Variants in HERPUD2 observed in about 807,000 individuals in gnomAD.
The protein encoded by HERPUD2 is HERPUD family member 2.
HERPUD2 carries 13 observed loss-of-function variants against 49.9 expected under a neutral mutation model. That is an observed-to-expected ratio of 0.26 (90% CI 0.17 to 0.41). The LOEUF (loss-of-function observed/expected upper bound fraction) is 0.41. Ranked by LOEUF, HERPUD2 falls within the 10% of genes least tolerant of loss-of-function variation. The probability of loss-of-function intolerance (pLI) is 1.00; values close to 1 mark genes in which losing one functional copy is unlikely to be tolerated. For synonymous variants in HERPUD2, 172 were observed against 171.4 expected, an observed-to-expected ratio of 1.00 and a Z score of -0.03; for missense variants, 449 against 492.2, an observed-to-expected ratio of 0.91 and a Z score of 0.83.
intron 2 of HERPUD2, among the ~76,000 whole-genome samples, chr7:35,674,599 G>C (rs527772259): frequency 3.3e-5 from 5 of 151,820 alleles, no homozygotes; most frequent in Non-Finnish European, 5.9e-5. Context: ...CTGGTGGCTG[G>C]GGGACCCTAC....
intron 2 of HERPUD2, among the ~76,000 whole-genome samples, chr7:35,688,516 T>TA (rs1406957307): frequency 1.3e-5 from 2 of 152,234 alleles, no homozygotes; most frequent in African/African-American, 4.8e-5. Context: ...CACCAACTGG[T>TA]AGACTGTGAA....
At chr7:35,635,536 G>T in intron 6 of HERPUD2, 78 bp from the exon 7 acceptor site, 2 of 1,196,322 alleles carry the variant, frequency 1.7e-6, no homozygotes, top group Non-Finnish European at 2.3e-6. Context: ...TTCTTGGGGA[G>T]CTATATGTAT....
chr7:35,646,535 C>G (rs1403085231), intron 5 of HERPUD2, among the ~76,000 whole-genome samples: 1 of 152,090 alleles, frequency 6.6e-6, no homozygotes, highest in African/African-American at 2.4e-5. Flanking sequence ...ACACTCCAGC[C>G]TCATCGACAG....
intron 4 of HERPUD2, among the ~76,000 whole-genome samples, chr7:35,668,104 A>C (rs542540352): frequency 6.6e-5 from 10 of 152,338 alleles, no homozygotes; most frequent in Admixed American, 2.0e-4. Flanking sequence ...TCTAAAATCT[A>C]GTGTTATCTC....
intron 7 of HERPUD2, among the ~76,000 whole-genome samples, 180 bp downstream of exon 7, chr7:35,634,955 T>G (rs1485090510): frequency 6.6e-6 from 1 of 152,240 alleles, no homozygotes; most frequent in Admixed American, 6.5e-5. Context: ...TAAATAATTC[T>G]GATAAACATT....
At chr7:35,663,505 T>TA (rs764789142) in intron 5 of HERPUD2, among the ~76,000 whole-genome samples, 19 of 152,188 alleles carry the variant, frequency 1.2e-4, no homozygotes, top group Non-Finnish European at 2.1e-4. Context: ...AGTGGGGTGT[T>TA]AAAGTCTCCC....
chr7:35,652,770 CA>C (rs1006466340), intron 5 of HERPUD2, among the ~76,000 whole-genome samples: 6 of 151,848 alleles, frequency 4.0e-5, no homozygotes, highest in Admixed American at 2.6e-4. Flanking sequence ...CTATACCCAG[CA>C]AAGTTATCCT....
intron 6 of HERPUD2, among the ~76,000 whole-genome samples, chr7:35,637,511 C>T (rs1784890775): frequency 6.6e-6 from 1 of 152,134 alleles, no homozygotes; most frequent in South Asian, 2.1e-4. Context: ...TTTAGATGTA[C>T]TGAATTTGAG....
At chr7:35,666,601 G>A (rs1404585617) in intron 5 of HERPUD2, among the ~76,000 whole-genome samples, 1 of 152,178 alleles carries the variant, frequency 6.6e-6, no homozygotes, top group African/African-American at 2.4e-5. Context: ...TGTTACTCAA[G>A]CTTCCTTTAC....
intron 5 of HERPUD2, 62 bp from the exon 6 acceptor site, chr7:35,638,534 T>G: frequency 1.3e-6 from 2 of 1,510,314 alleles, no homozygotes; most frequent in Non-Finnish European, 1.8e-6. Context: ...TATTCTAAAT[T>G]TTCATTTCTG....
At chr7:35,642,022 C>T (rs571609003) in intron 5 of HERPUD2, among the ~76,000 whole-genome samples, 1 of 152,252 alleles carries the variant, frequency 6.6e-6, no homozygotes, top group African/African-American at 2.4e-5. Context: ...CCAGAGTAAA[C>T]AAATACCCTA....
intron 4 of HERPUD2, among the ~76,000 whole-genome samples, 174 bp downstream of exon 4, chr7:35,670,041 T>C (rs1422361342): frequency 6.6e-6 from 1 of 151,932 alleles, no homozygotes; most frequent in Non-Finnish European, 1.5e-5. Flanking sequence ...CACTGCGTAT[T>C]AGATCTTTCA....
chr7:35,678,446 G>A (rs1785812019), intron 2 of HERPUD2, among the ~76,000 whole-genome samples: 2 of 151,832 alleles, frequency 1.3e-5, no homozygotes, highest in Admixed American at 6.6e-5. Flanking sequence ...GATTACAGTC[G>A]TGCACCACCA....
intron 5 of HERPUD2, among the ~76,000 whole-genome samples, chr7:35,657,913 C>T (rs1785316395): frequency 1.3e-5 from 2 of 150,562 alleles, no homozygotes; most frequent in South Asian, 4.2e-4. Flanking sequence ...CACAGCGAGA[C>T]TCTGTCTCAA....
chr7:35,665,002 C>A (rs1785506906), intron 5 of HERPUD2, among the ~76,000 whole-genome samples: 1 of 152,196 alleles, frequency 6.6e-6, no homozygotes, highest in South Asian at 2.1e-4. Flanking sequence ...GGGCACCCAG[C>A]CTTATGAAGT....
rs752472272 is a variant in HERPUD2, at chr7:35,635,256, G to T, written c.820C>A (p.Arg274=). 6.2e-7 allele frequency: 1 copy of T among 1,613,896 alleles called. No individual in the cohort carries two copies. The highest frequency in any genetic ancestry group is 8.5e-7 in the Non-Finnish European group (1 of 1,179,892). ...GTGTACATCCAGTCTAGCCAGTCTCGATTGAAGTCTTCTTCATTTAGTACT... is the reference window on the plus strand; with the variant it reads ...GTGTACATCCAGTCTAGCCAGTCTCTATTGAAGTCTTCTTCATTTAGTACT... ...GPVLNEEDFN[R]DWLDWMYTFS... is the part of the protein sequence containing the mutation. The change falls in exon 7 of 9, where the codon CGA becomes AGA. Residue 274 remains arginine, a synonymous_variant. Transcript: ENST00000311350.
At chr7:35,656,018 C>T (rs1045249605) in intron 5 of HERPUD2, among the ~76,000 whole-genome samples, 2 of 151,874 alleles carry the variant, frequency 1.3e-5, no homozygotes, top group African/African-American at 2.4e-5. Context: ...AAAAATTAGC[C>T]GGGCATCATG....
At chr7:35,658,037 T>C (rs1343399823) in intron 5 of HERPUD2, among the ~76,000 whole-genome samples, 2 of 152,184 alleles carry the variant, frequency 1.3e-5, no homozygotes, top group Non-Finnish European at 2.9e-5. Flanking sequence ...TGCACTCCCA[T>C]GTTTACTGCA....
chr7:35,637,984 T>C (rs773940959), intron 6 of HERPUD2, among the ~76,000 whole-genome samples: 8 of 152,208 alleles, frequency 5.3e-5, no homozygotes, highest in African/African-American at 9.7e-5. Flanking sequence ...CAAGTAAGCA[T>C]ATTAGCTGCA....
Sources: gnomAD v4.1 joint callset for allele counts (sites outside exome capture counted in the v4.1 genomes callset) on GRCh38, gnomAD v4.1.1 for gene constraint, MANE v1.5 for transcripts, NCBI Gene and HGNC (gene_info 2026-07-23, HGNC 2026-07-21) for gene names.